Variants in CACNA2D1 observed in about 807,000 individuals in gnomAD.
CACNA2D1 encodes the protein calcium voltage-gated channel auxiliary subunit alpha2delta 1.
In CACNA2D1, 53 loss-of-function variants were observed where a neutral mutation model predicts 171.5. The ratio of observed to expected loss-of-function variants is 0.31; its 90% confidence interval spans 0.25 to 0.39. The LOEUF is 0.39. CACNA2D1 is among the 10% of genes least tolerant of loss of function. The probability of loss-of-function intolerance (pLI) is 1.00; values close to 1 mark genes in which losing one functional copy is unlikely to be tolerated. For synonymous variants in CACNA2D1, 442 were observed against 443.1 expected, an observed-to-expected ratio of 1.00 and a Z score of 0.03; for missense variants, 903 against 1,299.8, an observed-to-expected ratio of 0.69 and a Z score of 4.69.
intron 12 of CACNA2D1, among the ~76,000 whole-genome samples, chr7:82,025,839 A>ATT (rs1439113047): frequency 3.3e-5 from 5 of 151,626 alleles, no homozygotes; most frequent in African/African-American, 7.3e-5. Context: ...TTCCAGATTG[A>ATT]TCATCTGTCT....
chr7:81,996,456 A>G (rs1181186818), intron 19 of CACNA2D1, among the ~76,000 whole-genome samples: 1 of 152,044 alleles, frequency 6.6e-6, no homozygotes, highest in Admixed American at 6.6e-5. Flanking sequence ...ATCTGGAAAA[A>G]TCCTAAAAAT....
At chr7:82,053,240 A>C (rs1403251571) in intron 10 of CACNA2D1, among the ~76,000 whole-genome samples, 5 of 130,906 alleles carry the variant, frequency 3.8e-5, no homozygotes, top group Non-Finnish European at 8.3e-5. Context: ...TGACAGAGCG[A>C]GACTCCGTCT....
At chr7:82,137,162 C>A (rs1791719727) in intron 4 of CACNA2D1, among the ~76,000 whole-genome samples, 1 of 151,996 alleles carries the variant, frequency 6.6e-6, no homozygotes, top group South Asian at 2.1e-4. Context: ...ATGATGAGCA[C>A]CAGGGAATTC....
chr7:82,291,274 T>G (rs1811528641), intron 3 of CACNA2D1, among the ~76,000 whole-genome samples: 1 of 142,114 alleles, frequency 7.0e-6, no homozygotes, highest in Non-Finnish European at 1.5e-5. Context: ...ATATAGTGTA[T>G]ATATAATTCC....
chr7:82,324,345 C>G (rs1196275807), intron 3 of CACNA2D1, among the ~76,000 whole-genome samples: 1 of 143,862 alleles, frequency 7.0e-6, no homozygotes, highest in Non-Finnish European at 1.5e-5. Flanking sequence ...GCAACAAGAG[C>G]CAAACTCCAA....
chr7:81,999,624 A>G (rs1798385187), intron 18 of CACNA2D1, among the ~76,000 whole-genome samples: 1 of 152,222 alleles, frequency 6.6e-6, no homozygotes, highest in African/African-American at 2.4e-5. Flanking sequence ...CAAAAATAAA[A>G]CAGACCATTT....
chr7:82,049,620 G>C (rs1804970717), intron 10 of CACNA2D1, among the ~76,000 whole-genome samples: 3 of 152,126 alleles, frequency 2.0e-5, no homozygotes, highest in Admixed American at 6.6e-5. Context: ...CCCTGCACAG[G>C]AATCACCCGG....
chr7:82,371,775 C>T (rs1822449936), intron 1 of CACNA2D1, among the ~76,000 whole-genome samples: 1 of 152,008 alleles, frequency 6.6e-6, no homozygotes, highest in Non-Finnish European at 1.5e-5. Flanking sequence ...GGGGTTTCAC[C>T]ATGTTGACGA....
chr7:82,270,768 C>T (rs764533021), intron 3 of CACNA2D1, among the ~76,000 whole-genome samples: 8 of 152,124 alleles, frequency 5.3e-5, no homozygotes, highest in Non-Finnish European at 8.8e-5. Context: ...TAAATTTCTA[C>T]ACAGACTCTT....
chr7:81,970,850 A>G, intron 26 of CACNA2D1, 113 bp from the exon 27 acceptor site: 1 of 740,822 alleles, frequency 1.3e-6, no homozygotes, highest in Non-Finnish European at 2.5e-6. Flanking sequence ...AAATATATCA[A>G]TAGATACACA....
In CACNA2D1 at chr7:82,168,895, C is replaced by T. The variant is rs142945487; in HGVS notation, c.354+1655G>A. Among the ~76,000 whole-genome samples, 204 of 152,098 alleles carry T rather than the reference C, an allele frequency of 1.3e-3. 2 individuals are homozygous for T. Among genetic ancestry groups the T allele is most frequent in the African/African-American group, 4.7e-3 (196 of 41,518 alleles). The stretch of plus-strand genomic sequence containing the variant: ...ATGTATAATCTATATATTTCAGAGG[C>T]TGAGTTTGTGTGTCTGTTTTGAGTT... On this transcript the variant is annotated intron_variant, in intron 4 of 38. Transcript: ENST00000356860.
At chr7:82,083,682 T>C (rs1348095650) in intron 7 of CACNA2D1, among the ~76,000 whole-genome samples, 1 of 152,134 alleles carries the variant, frequency 6.6e-6, no homozygotes, top group African/African-American at 2.4e-5. Context: ...GTTGGACTTA[T>C]GCGGAAAAAA....
At chr7:82,366,146 A>T (rs190645963) in intron 1 of CACNA2D1, among the ~76,000 whole-genome samples, 4 of 152,312 alleles carry the variant, frequency 2.6e-5, no homozygotes, top group African/African-American at 9.6e-5. Context: ...AACAGAATGA[A>T]ATTTTGGTCT....
At chr7:82,371,668 G>T (rs547336955) in intron 1 of CACNA2D1, among the ~76,000 whole-genome samples, 1 of 151,894 alleles carries the variant, frequency 6.6e-6, no homozygotes, top group African/African-American at 2.4e-5. Flanking sequence ...GTAACCTCCC[G>T]GACTCAAGCG....
At chr7:82,377,149 T>G (rs1823109516) in intron 1 of CACNA2D1, among the ~76,000 whole-genome samples, 2 of 152,214 alleles carry the variant, frequency 1.3e-5, no homozygotes, top group Admixed American at 1.3e-4. Flanking sequence ...ACTGCCAGGT[T>G]CCATTCCTAA....
chr7:82,166,824 C>T (rs1361488302), intron 4 of CACNA2D1, among the ~76,000 whole-genome samples: 1 of 151,974 alleles, frequency 6.6e-6, no homozygotes, highest in African/African-American at 2.4e-5. Flanking sequence ...AGGGTGTACG[C>T]CCTTTGTTCC....
intron 1 of CACNA2D1, among the ~76,000 whole-genome samples, chr7:82,359,232 G>A (rs571845687): frequency 2.0e-5 from 3 of 151,920 alleles, no homozygotes; most frequent in African/African-American, 4.8e-5. Flanking sequence ...TCCCTTTATG[G>A]TTTATCTGTG....
At chr7:82,309,179 G>T (rs1029594313) in intron 3 of CACNA2D1, among the ~76,000 whole-genome samples, 1 of 152,132 alleles carries the variant, frequency 6.6e-6, no homozygotes, top group Admixed American at 6.6e-5. Context: ...ACCGAGGCGG[G>T]TGGATCACCT....
chr7:82,063,119 G>T (rs1269828783), intron 9 of CACNA2D1, among the ~76,000 whole-genome samples: 1 of 151,964 alleles, frequency 6.6e-6, no homozygotes, highest in African/African-American at 2.4e-5. Context: ...ATACATTTCT[G>T]TTGAAAGAAT....
Sources: allele counts gnomAD v4.1 joint callset (sites outside exome capture counted in the v4.1 genomes callset), GRCh38; gene constraint gnomAD v4.1.1; transcripts MANE v1.5; gene names NCBI Gene and HGNC (gene_info 2026-07-23, HGNC 2026-07-21).